The following MYRIP variants were observed in gnomAD, a reference collection of about 807,000 sequenced individuals.
MYRIP encodes the protein myosin VIIA and Rab interacting protein, also known as rab effector MyRIP.
MYRIP carries 49 observed loss-of-function variants against 98.0 expected under a neutral mutation model. That is an observed-to-expected ratio of 0.50 (90% CI 0.40 to 0.63). The LOEUF (loss-of-function observed/expected upper bound fraction) is 0.63. Ranked by LOEUF, MYRIP falls within the 30% of genes least tolerant of loss-of-function variation. MYRIP has a pLI of 0.00. For synonymous variants in MYRIP, 404 were observed against 409.5 expected (o/e 0.99, Z 0.16); for missense variants, 1,004 against 1,058.2 (o/e 0.95, Z 0.71).
At chr3:39,828,606 T>G (rs757696990) in intron 1 of MYRIP, among the ~76,000 whole-genome samples, 29 of 152,106 alleles carry the variant, frequency 1.9e-4, no homozygotes, top group Non-Finnish European at 3.5e-4. Flanking sequence ...GCACCATATT[T>G]GTTGTCTTTT....
intron 3 of MYRIP, among the ~76,000 whole-genome samples, chr3:40,147,289 T>C (rs919794028): frequency 1.3e-5 from 2 of 152,190 alleles, no homozygotes; most frequent in African/African-American, 4.8e-5. Flanking sequence ...CTGTCTTGAC[T>C]GCATTCTGTA....
chr3:40,000,946 T>C (rs1313521986), intron 2 of MYRIP, among the ~76,000 whole-genome samples: 5 of 152,238 alleles, frequency 3.3e-5, no homozygotes, highest in African/African-American at 4.8e-5. Flanking sequence ...CATGTTTTCT[T>C]CTGCATTTCA....
At chr3:39,885,739 G>C (rs571950853) in intron 1 of MYRIP, among the ~76,000 whole-genome samples, 14 of 151,892 alleles carry the variant, frequency 9.2e-5, no homozygotes, top group African/African-American at 2.9e-4. Flanking sequence ...CACTTCATTT[G>C]ATTCATTTGA....
rs549180421 is a variant in MYRIP, at chr3:40,226,050, T to C, written c.1906-7809T>C. ...CCCCATACTGTCACCAACTTCTTGA[T>C]TGTACTGCAGCCAATTATGAAGATC... On this transcript the variant is annotated intron_variant, in intron 11 of 16. Transcript: ENST00000302541. 4.6e-5 allele frequency among the ~76,000 whole-genome samples: 7 copies of C among 152,254 alleles called. No homozygotes were observed. The South Asian group carries it at 6.2e-4, about 14-fold the overall frequency.
chr3:39,991,760 C>G (rs1380425071), intron 2 of MYRIP, among the ~76,000 whole-genome samples: 1 of 152,170 alleles, frequency 6.6e-6, no homozygotes, highest in Non-Finnish European at 1.5e-5. Context: ...CAGGTGTCCC[C>G]TTATCCTGCT....
chr3:40,259,941 T>C lies in MYRIP; in HGVS notation c.*1775T>C, dbSNP rs1014916830. On this transcript the variant is annotated 3_prime_UTR_variant, in exon 17 of 17. Transcript: ENST00000302541. ...AATATTCAGTTTTCTTTGACAAAAA[T>C]GTGTACTGTGTAAGCCTTGCAAACA... The C allele has an allele frequency of 6.6e-6, 1 of 152,582 alleles. No individual in the cohort carries two copies. The highest frequency in any genetic ancestry group is 2.4e-5 in the African/African-American group (1 of 41,406). The allele number at this position is 152,582 out of a possible 1,614,324, so 9.5% of individuals were successfully genotyped here. A position where few individuals can be genotyped will look rare whatever the true frequency, so the allele number is the denominator to read the frequency against.
At chr3:39,980,327 G>A (rs1222342730) in intron 2 of MYRIP, among the ~76,000 whole-genome samples, 1 of 152,126 alleles carries the variant, frequency 6.6e-6, no homozygotes, top group African/African-American at 2.4e-5. Flanking sequence ...ATGCAAATCA[G>A]GCATTAACCA....
intron 2 of MYRIP, among the ~76,000 whole-genome samples, chr3:39,909,662 C>G (rs1947626): frequency 0.44 from 67,364 of 151,836 alleles, 15,190 homozygotes; most frequent in East Asian, 0.54. Flanking sequence ...AGTGGATTGA[C>G]ACATAGGTCT....
chr3:39,860,921 C>T (rs916427135), intron 1 of MYRIP, among the ~76,000 whole-genome samples: 70 of 152,240 alleles, frequency 4.6e-4, no homozygotes, highest in Non-Finnish European at 2.5e-4. Context: ...TGCACTGATT[C>T]TGCCACTGGA....
chr3:40,084,387 C>CTATAATACACATCTATGTATTATATATT (rs1559393688), intron 3 of MYRIP, among the ~76,000 whole-genome samples: 7 of 135,368 alleles, frequency 5.2e-5, no homozygotes, highest in African/African-American at 2.0e-4. Flanking sequence ...TATTATATAT[C>CTATAATACACATCTATGTATTATATATT]GATAGATAAT....
intron 2 of MYRIP, among the ~76,000 whole-genome samples, chr3:39,978,826 T>G (rs1559545922): frequency 6.6e-6 from 1 of 152,142 alleles, no homozygotes; most frequent in African/African-American, 2.4e-5. Flanking sequence ...GACTTTGTTT[T>G]TTTTTTTTTT....
At chr3:40,133,989 C>A (rs1949703745) in intron 3 of MYRIP, among the ~76,000 whole-genome samples, 1 of 152,186 alleles carries the variant, frequency 6.6e-6, no homozygotes, top group African/African-American at 2.4e-5. Flanking sequence ...CCATTTCCAA[C>A]TGAGGTACTG....
chr3:40,205,745 T>C (rs969182171), intron 10 of MYRIP, among the ~76,000 whole-genome samples: 13 of 152,140 alleles, frequency 8.5e-5, no homozygotes, highest in Non-Finnish European at 1.9e-4. Flanking sequence ...ACAGTGAGTA[T>C]GTTTGGTGTT....
chr3:39,875,618 C>T (rs1198423726), intron 1 of MYRIP, among the ~76,000 whole-genome samples: 2 of 151,192 alleles, frequency 1.3e-5, no homozygotes, highest in Non-Finnish European at 3.0e-5. Flanking sequence ...CATTCAGGAG[C>T]AGGTTGTTCA....
intron 11 of MYRIP, 86 bp from the exon 12 acceptor site, chr3:40,233,773 T>G: frequency 8.1e-7 from 1 of 1,240,002 alleles, no homozygotes; most frequent in Non-Finnish European, 1.2e-6. Context: ...CTCATGATGA[T>G]GAGTGTCATG....
chr3:39,947,825 A>G (rs1559532545), intron 2 of MYRIP, among the ~76,000 whole-genome samples: 1 of 152,184 alleles, frequency 6.6e-6, no homozygotes, highest in Non-Finnish European at 1.5e-5. Flanking sequence ...CCCTAGACGT[A>G]CTGAATCAGA....
chr3:40,219,783 C>T (rs555808591), intron 11 of MYRIP, among the ~76,000 whole-genome samples: 2,889 of 151,842 alleles, frequency 0.019, 84 homozygotes, highest in African/African-American at 0.065. Context: ...TGAATAGTGC[C>T]ACAATAAACA....
At chr3:39,840,371 A>G (rs1294835749) in intron 1 of MYRIP, among the ~76,000 whole-genome samples, 2 of 152,098 alleles carry the variant, frequency 1.3e-5, no homozygotes, top group African/African-American at 4.8e-5. Context: ...GTGTCTTTGC[A>G]CATGAGATGG....
At chr3:40,102,992 C>G (rs1464586458) in intron 3 of MYRIP, among the ~76,000 whole-genome samples, 3 of 151,686 alleles carry the variant, frequency 2.0e-5, no homozygotes. Flanking sequence ...TCTTGACCCA[C>G]TAATGTGTCA....
Sources: allele counts gnomAD v4.1 joint callset (sites outside exome capture counted in the v4.1 genomes callset), GRCh38; gene constraint gnomAD v4.1.1; transcripts MANE v1.5; gene names NCBI Gene and HGNC (gene_info 2026-07-23, HGNC 2026-07-21).